ARL6IP5: variants seen among roughly 807,000 people sequenced by gnomAD.
ARL6IP5 encodes the protein PRA1 family protein 3.
Under a neutral mutation model 13.0 loss-of-function variants are expected in ARL6IP5, and 6 were observed. The observed-to-expected ratio is 0.46, with a 90% CI of 0.25 to 0.91. ARL6IP5 has a LOEUF of 0.91. Among genes scored for constraint, ARL6IP5 ranks in the 40% least tolerant of loss-of-function variants. The pLI, the probability that ARL6IP5 is intolerant of heterozygous loss-of-function variation, is 0.17. For missense variants in ARL6IP5, 208 were observed against 248.8 expected, an observed-to-expected ratio of 0.84 and a Z score of 1.10; for synonymous variants, 91 against 91.9, an observed-to-expected ratio of 0.99 and a Z score of 0.06.
intron 1 of ARL6IP5, among the ~76,000 whole-genome samples, chr3:69,095,526 G>A (rs1189053935): frequency 2.7e-5 from 4 of 147,958 alleles, no homozygotes; most frequent in Non-Finnish European, 5.9e-5. Flanking sequence ...TTGAGACGGA[G>A]TCTGGCTCTG....
At chr3:69,089,318 T>C (rs2092257675) in intron 1 of ARL6IP5, among the ~76,000 whole-genome samples, 1 of 152,302 alleles carries the variant, frequency 6.6e-6, no homozygotes, top group African/African-American at 2.4e-5. Context: ...CTGATCCTCT[T>C]GAACCCCGTA....
chr3:69,096,462 T>C (rs2092287349), intron 1 of ARL6IP5, among the ~76,000 whole-genome samples: 1 of 152,172 alleles, frequency 6.6e-6, no homozygotes, highest in Admixed American at 6.6e-5. Context: ...TATTCCAGAA[T>C]GAACTGAGTA....
chr3:69,094,347 C>G (rs937862), intron 1 of ARL6IP5, among the ~76,000 whole-genome samples: 81,489 of 152,046 alleles, frequency 0.54, 22,679 homozygotes, highest in Non-Finnish European at 0.62. Flanking sequence ...AACTCCACAC[C>G]TATATACAGT....
chr3:69,104,865 G>A lies in ARL6IP5; in HGVS notation c.*229G>A, dbSNP rs2092317871. On this transcript the variant is annotated 3_prime_UTR_variant, in exon 3 of 3. Coordinates refer to ENST00000273258, the MANE Select transcript of ARL6IP5 (RefSeq NM_006407.4). ...TCCTATTGTGTCTGAAGTTTCACGT[G>A]TGTTTATGAAATCTAATGGGAAATG... 1.4e-6 allele frequency: 1 copy of A among 704,786 alleles called. No individual in the cohort carries two copies. The highest frequency in any genetic ancestry group is 1.7e-5 in the African/African-American group (1 of 57,146). The allele number at this position is 704,786 out of a possible 1,614,324, so 43.7% of individuals were successfully genotyped here.
Position 69,104,779 on chromosome 3 carries a change from C to A in ARL6IP5, c.*143C>A, listed in dbSNP as rs1553686460. ...TGGCAGCATGCATGTATAGGCCGAA[C>A]TATTATCAGCTCTGATGTTTCAGAG... On this transcript the variant is annotated 3_prime_UTR_variant, in exon 3 of 3. Coordinates refer to ENST00000273258, the MANE Select transcript of ARL6IP5 (RefSeq NM_006407.4). The A allele has an allele frequency of 1.0e-5, 9 of 895,364 alleles. No individual in the cohort carries two copies. Among genetic ancestry groups the A allele is most frequent in the Middle Eastern group, 2.1e-4 (1 of 4,714 alleles). 55.5% of individuals were successfully genotyped at this position (895,364 alleles called of 1,614,324 possible). A position where few individuals can be genotyped will look rare whatever the true frequency, so the allele number is the denominator to read the frequency against.
chr3:69,098,083 C>A (rs1575862255), intron 1 of ARL6IP5, among the ~76,000 whole-genome samples: 1 of 146,984 alleles, frequency 6.8e-6, no homozygotes, highest in Admixed American at 6.8e-5. Flanking sequence ...ATTTCTATTT[C>A]TTTTTTTTTT....
intron 2 of ARL6IP5, among the ~76,000 whole-genome samples, chr3:69,104,050 C>T (rs1559655623): frequency 6.6e-6 from 1 of 152,254 alleles, no homozygotes; most frequent in East Asian, 1.9e-4. Context: ...CTGCAGGGAA[C>T]AAGATACAGA....
chr3:69,097,760 A>G (rs1031205833), intron 1 of ARL6IP5, among the ~76,000 whole-genome samples: 3 of 152,236 alleles, frequency 2.0e-5, no homozygotes, highest in African/African-American at 7.2e-5. Context: ...GGAAGAGGGC[A>G]GAGAGAATAG....
At chr3:69,102,943 A>T (rs1380785734) in intron 2 of ARL6IP5, among the ~76,000 whole-genome samples, 1 of 152,224 alleles carries the variant, frequency 6.6e-6, no homozygotes, top group Non-Finnish European at 1.5e-5. Flanking sequence ...CAAGAAATAA[A>T]ATCCCAGCCT....
At chr3:69,089,365 T>C (rs1428767817) in intron 1 of ARL6IP5, among the ~76,000 whole-genome samples, 1 of 152,182 alleles carries the variant, frequency 6.6e-6, no homozygotes, top group Non-Finnish European at 1.5e-5. Context: ...CACAGGCTAA[T>C]TGGAACTAAA....
intron 2 of ARL6IP5, chr3:69,102,277 T>C (rs1457204946): frequency 6.9e-6 from 4 of 576,094 alleles, no homozygotes; most frequent in Non-Finnish European, 6.2e-6. Context: ...ATTCCACAAA[T>C]ATTTGTTGGG....
intron 1 of ARL6IP5, among the ~76,000 whole-genome samples, chr3:69,091,640 C>G (rs2092267433): frequency 6.6e-6 from 1 of 150,752 alleles, no homozygotes; most frequent in Non-Finnish European, 1.5e-5. Flanking sequence ...AACTTCTCTC[C>G]CCTCTCCGTC....
rs1311252157 is a variant in ARL6IP5, at chr3:69,101,862, T to A, written c.200T>A (p.Ile67Asn). 6.2e-7 allele frequency: 1 copy of A among 1,613,768 alleles called. No individual in the cohort carries two copies. Among genetic ancestry groups the A allele is most frequent in the Non-Finnish European group, 8.5e-7 (1 of 1,179,896 alleles). ...AGGTTTCTGAGTCCCTTCAACATGATCCTGGGAGGAATCGTGGTGGTGCTG... is the reference window on the plus strand; with the variant it reads ...AGGTTTCTGAGTCCCTTCAACATGAACCTGGGAGGAATCGTGGTGGTGCTG... ...IVGFLSPFNM[I>N]LGGIVVVLVF... is the part of the protein sequence containing the mutation. The change falls in exon 2 of 3, where the codon ATC becomes AAC. Residue 67 changes from isoleucine (I) to asparagine (N), a missense_variant. Ile to Asn is a moderately radical substitution (Grantham distance 149, BLOSUM62 -3). Transcript: ENST00000273258.
chr3:69,085,719 T>C (rs1431980339), intron 1 of ARL6IP5, among the ~76,000 whole-genome samples: 1 of 152,088 alleles, frequency 6.6e-6, no homozygotes, highest in African/African-American at 2.4e-5. Flanking sequence ...TGCCACACTG[T>C]ACAGTAAAGC....
rs549402201 is a variant in ARL6IP5 at position 69,101,316 on chromosome 3, C to CTTTTTTTTTT, written c.177-511_177-502dup. Reference sequence around the variant, plus strand: ...TGCCTGGGTGTGATCTCAGCTCCACCTTTTTTTTTTTTTTTTTTTTTAATG... The same window carrying CTTTTTTTTTT: ...TGCCTGGGTGTGATCTCAGCTCCACCTTTTTTTTTTTTTTTTTTTTTTTTTTTTTTTAATG... On this transcript the variant is annotated intron_variant, in intron 1 of 2. Coordinates refer to ENST00000273258, the MANE Select transcript of ARL6IP5 (RefSeq NM_006407.4). 3.5e-3 allele frequency among the ~76,000 whole-genome samples: 421 copies of CTTTTTTTTTT among 119,428 alleles called. 23 individuals carry two copies. Among genetic ancestry groups the CTTTTTTTTTT allele is most frequent in the African/African-American group, 0.014 (398 of 28,092 alleles). 78.3% of individuals were successfully genotyped at this position (119,428 alleles called of 152,430 possible).
Position 69,101,986 on chromosome 3 carries a change from G to A in ARL6IP5, c.324G>A (p.Ala108=), listed in dbSNP as rs371983277. 21 of 1,613,972 alleles carry A rather than the reference G, an allele frequency of 1.3e-5. No individual in the cohort carries two copies. Among genetic ancestry groups the A allele is most frequent in the East Asian group, 4.5e-5 (2 of 44,872 alleles). Residue 108 remains alanine, a synonymous_variant, in exon 2 of 3, where the codon GCG becomes GCA. Coordinates refer to ENST00000273258, the MANE Select transcript of ARL6IP5 (RefSeq NM_006407.4). ...PTTFVMVVML[A]SYFLISMFGG... ...CGTTCGTTATGGTGGTCATGTTGGC[G>A]AGCTATTTCCTTATCTCCATGTTTG...
chr3:69,100,659 T>TA (rs2092302019), intron 1 of ARL6IP5, among the ~76,000 whole-genome samples: 1 of 151,890 alleles, frequency 6.6e-6, no homozygotes, highest in Non-Finnish European at 1.5e-5. Context: ...CATGTACCTG[T>TA]AATCCCAGTT....
intron 1 of ARL6IP5, among the ~76,000 whole-genome samples, chr3:69,096,597 C>CTTTT (rs11291168): frequency 3.0e-3 from 212 of 69,524 alleles, no homozygotes; most frequent in South Asian, 4.1e-3. Context: ...TTTTGCTTTG[C>CTTTT]TTTTTTTTTT....
At chr3:69,101,051 A>G (rs1046164118) in intron 1 of ARL6IP5, among the ~76,000 whole-genome samples, 1 of 152,088 alleles carries the variant, frequency 6.6e-6, no homozygotes, top group Non-Finnish European at 1.5e-5. Context: ...AAAACACTGT[A>G]CAGGCCAAAC....
Sources: allele counts gnomAD v4.1 joint callset (sites outside exome capture counted in the v4.1 genomes callset), GRCh38; gene constraint gnomAD v4.1.1; transcripts MANE v1.5; gene names NCBI Gene and HGNC (gene_info 2026-07-23, HGNC 2026-07-21).